The following MEI4 variants were observed in gnomAD, a reference collection of about 807,000 sequenced individuals.
MEI4 encodes meiosis-specific protein MEI4.
MEI4 carries 27 observed loss-of-function variants against 31.4 expected under a neutral mutation model. The observed-to-expected ratio is 0.86, with a 90% CI of 0.63 to 1.19. The LOEUF (loss-of-function observed/expected upper bound fraction) is 1.19. MEI4 is among the 50% of genes most tolerant of loss of function. The pLI, the probability that MEI4 is intolerant of heterozygous loss-of-function variation, is 0.00. For synonymous variants in MEI4, 122 were observed against 145.4 expected, an observed-to-expected ratio of 0.84 and a Z score of 1.16; for missense variants, 329 against 398.9, an observed-to-expected ratio of 0.82 and a Z score of 1.49.
At chr6:77,807,323 A>G (rs1769464928) in intron 3 of MEI4, among the ~76,000 whole-genome samples, 1 of 152,112 alleles carries the variant, frequency 6.6e-6, no homozygotes, top group African/African-American at 2.4e-5. Context: ...TTATTTGAGA[A>G]ATAGAATTAG....
intron 2 of MEI4, among the ~76,000 whole-genome samples, chr6:77,726,673 T>C (rs1015839862): frequency 5.3e-5 from 8 of 151,836 alleles, no homozygotes; most frequent in Non-Finnish European, 1.2e-4. Context: ...TCTACACCAG[T>C]TGTGTGTGGG....
intron 4 of MEI4, among the ~76,000 whole-genome samples, chr6:77,879,657 G>A (rs546852540): frequency 2.6e-5 from 4 of 152,294 alleles, no homozygotes; most frequent in African/African-American, 7.2e-5. Flanking sequence ...AGATAAAAGT[G>A]TCCCTGAGAG....
At chr6:77,665,766 A>G (rs183548907) in intron 1 of MEI4, among the ~76,000 whole-genome samples, 2 of 152,184 alleles carry the variant, frequency 1.3e-5, no homozygotes, top group African/African-American at 4.8e-5. Flanking sequence ...AAATTAAGAG[A>G]AGGGAGAGAT....
At chr6:77,773,711 TAAGA>T (rs959848802) in intron 3 of MEI4, among the ~76,000 whole-genome samples, 1 of 151,902 alleles carries the variant, frequency 6.6e-6, no homozygotes, top group Admixed American at 6.6e-5. Flanking sequence ...AGAAAACAAT[TAAGA>T]AAGTGAAGAG....
chr6:77,701,969 C>A (rs564256633), intron 2 of MEI4, among the ~76,000 whole-genome samples: 1 of 152,170 alleles, frequency 6.6e-6, no homozygotes, highest in Admixed American at 6.5e-5. Flanking sequence ...CAGGTTGGTC[C>A]CCTCACTCTT....
intron 3 of MEI4, among the ~76,000 whole-genome samples, chr6:77,792,773 C>T (rs920061923): frequency 2.7e-4 from 41 of 151,388 alleles, no homozygotes; most frequent in African/African-American, 8.2e-4. Context: ...AGTGCAGTGG[C>T]GTGATCTCAG....
chr6:77,698,776 G>T (rs1766126012), intron 2 of MEI4, among the ~76,000 whole-genome samples: 1 of 152,196 alleles, frequency 6.6e-6, no homozygotes, highest in African/African-American at 2.4e-5. Context: ...GAGTATCTTT[G>T]TGACATTTTC....
At chr6:77,707,364 A>T (rs1316945565) in intron 2 of MEI4, among the ~76,000 whole-genome samples, 1 of 152,204 alleles carries the variant, frequency 6.6e-6, no homozygotes, top group Admixed American at 6.5e-5. Flanking sequence ...TTAGCATTCA[A>T]GATGTGCTGT....
intron 3 of MEI4, among the ~76,000 whole-genome samples, chr6:77,826,860 G>C (rs1769964362): frequency 6.6e-6 from 1 of 152,030 alleles, no homozygotes; most frequent in South Asian, 2.1e-4. Context: ...CCTATCTTCT[G>C]CACAGTTAAT....
chr6:77,792,090 A>C (rs1443202755), intron 3 of MEI4, among the ~76,000 whole-genome samples: 3 of 152,124 alleles, frequency 2.0e-5, no homozygotes, highest in Admixed American at 2.0e-4. Context: ...AATGTCCTCC[A>C]GGTTCATCCA....
chr6:77,792,073 CTAATG>C (rs1768952507), intron 3 of MEI4, among the ~76,000 whole-genome samples: 1 of 152,092 alleles, frequency 6.6e-6, no homozygotes. Context: ...GTTATTTCAC[CTAATG>C]TAATGTCCTC....
At chr6:77,895,719 C>T (rs1766070931) in intron 4 of MEI4, among the ~76,000 whole-genome samples, 1 of 152,020 alleles carries the variant, frequency 6.6e-6, no homozygotes, top group Non-Finnish European at 1.5e-5. Context: ...CAGCACCTAC[C>T]CTTGAGTTAG....
chr6:77,926,435 A>T lies in MEI4; in HGVS notation c.*3089A>T, dbSNP rs185015327. The T allele has an allele frequency of 2.0e-5, 3 of 151,936 alleles. No homozygotes were observed. The highest frequency in any genetic ancestry group is 4.4e-5 in the Non-Finnish European group (3 of 67,928). The allele number at this position is 151,936 out of a possible 1,614,324, so 9.4% of individuals were successfully genotyped here. ...TGTTTAGGTAGACTGTGAGGCTGTAATGATAAGCAAAATGGGGAGAGAAAA... is the reference window on the plus strand; with the variant it reads ...TGTTTAGGTAGACTGTGAGGCTGTATTGATAAGCAAAATGGGGAGAGAAAA... On this transcript the variant is annotated 3_prime_UTR_variant, in exon 5 of 5. Coordinates refer to ENST00000684080, the MANE Select transcript of MEI4 (RefSeq NM_001322247.2).
intron 2 of MEI4, among the ~76,000 whole-genome samples, chr6:77,748,530 G>T (rs989737545): frequency 6.6e-6 from 1 of 152,186 alleles, no homozygotes; most frequent in African/African-American, 2.4e-5. Flanking sequence ...CCTGGGCCTA[G>T]CCCAGGAAGC....
At chr6:77,893,052 C>G (rs1241525984) in intron 4 of MEI4, among the ~76,000 whole-genome samples, 3 of 152,132 alleles carry the variant, frequency 2.0e-5, no homozygotes, top group African/African-American at 7.2e-5. Flanking sequence ...CCTCCTGGCT[C>G]CAAGCCAATC....
intron 4 of MEI4, among the ~76,000 whole-genome samples, chr6:77,880,709 G>A (rs1001111142): frequency 1.3e-5 from 2 of 152,046 alleles, no homozygotes; most frequent in African/African-American, 4.8e-5. Context: ...CCATCCTCCT[G>A]CTGCACACTT....
At chr6:77,693,592 C>T (rs1769200443) in intron 2 of MEI4, among the ~76,000 whole-genome samples, 2 of 151,776 alleles carry the variant, frequency 1.3e-5, no homozygotes, top group Non-Finnish European at 2.9e-5. Context: ...TGTTTCTGCA[C>T]AGATGTATGG....
Position 77,809,039 on chromosome 6 carries a change from G to A in MEI4, c.769-19892G>A, listed in dbSNP as rs568147980. Among the ~76,000 whole-genome samples the A allele has an allele frequency of 3.9e-5, 6 of 152,294 alleles. No individual in the cohort carries two copies. In the South Asian group the frequency reaches 1.0e-3, roughly 26 times the overall value. ...GTAGAAAGTGCTCCATACAGTTGGG[G>A]CAACAAGTGCTTCCTTGAAATGTGA... On this transcript the variant is annotated intron_variant, in intron 3 of 4. Transcript: ENST00000684080.
chr6:77,818,915 T>C (rs1275055205), intron 3 of MEI4, among the ~76,000 whole-genome samples: 1 of 151,938 alleles, frequency 6.6e-6, no homozygotes, highest in East Asian at 1.9e-4. Flanking sequence ...TATTTGTATG[T>C]TTTGTAGGTA....
Sources: gnomAD v4.1 joint callset for allele counts (sites outside exome capture counted in the v4.1 genomes callset) on GRCh38, gnomAD v4.1.1 for gene constraint, MANE v1.5 for transcripts, NCBI Gene and HGNC (gene_info 2026-07-23, HGNC 2026-07-21) for gene names.